Variants in IQUB observed in about 807,000 individuals in gnomAD.
IQUB encodes the protein IQ motif and ubiquitin domain containing.
A neutral mutation model predicts 86.4 loss-of-function variants in IQUB; 86 were observed. That is an observed-to-expected ratio of 1.00 (90% confidence interval 0.84 to 1.19). IQUB has a LOEUF of 1.19. Ranked by LOEUF, IQUB falls within the 50% of genes most tolerant of loss-of-function variation. The probability of loss-of-function intolerance (pLI) is 0.00; values close to 1 mark genes in which losing one functional copy is unlikely to be tolerated. For missense variants in IQUB, 946 were observed against 916.9 expected (o/e 1.03, Z -0.41); for synonymous variants, 289 against 304.5 (o/e 0.95, Z 0.53).
intron 8 of IQUB, among the ~76,000 whole-genome samples, chr7:123,476,287 G>C (rs1794740923): frequency 1.3e-5 from 2 of 152,174 alleles, no homozygotes; most frequent in African/African-American, 4.8e-5. Context: ...TTGCTTTCTG[G>C]AAGAAGAGGC....
chr7:123,533,498 AG>A (rs1488535277), intron 1 of IQUB, among the ~76,000 whole-genome samples: 56 of 152,294 alleles, frequency 3.7e-4, no homozygotes, highest in Non-Finnish European at 1.2e-4. Context: ...ACTATATAAA[AG>A]TTTTAGATTG....
In IQUB at chr7:123,510,005, T is replaced by A; in HGVS notation, c.428A>T (p.Glu143Val). ...VKVVLIPVGQ[E>V]IVIPFKVDTI... ...ATCAACCTTAAAAGGTATTACAATT[T>A]CCTGGCCCACTGGAATAAGTACAAC... is the stretch of plus-strand genomic sequence containing the variant. Residue 143 changes from glutamate to valine, a missense_variant, in exon 3 of 13, where the codon GAA (glutamate) becomes GTA (valine). By Grantham distance (121) the Glu-to-Val change is moderately radical. Transcript: ENST00000324698. The A allele has an allele frequency of 6.3e-7, 1 of 1,581,254 alleles. No homozygotes were observed. Among genetic ancestry groups the A allele is most frequent in the Non-Finnish European group, 8.6e-7 (1 of 1,157,910 alleles).
At chr7:123,530,307 G>T (rs1008737185) in intron 1 of IQUB, among the ~76,000 whole-genome samples, 28 of 151,248 alleles carry the variant, frequency 1.9e-4, no homozygotes, top group African/African-American at 6.8e-4. Flanking sequence ...ATGGTGGCAG[G>T]CACCTGTAGT....
chr7:123,457,316 G>A lies in IQUB; in HGVS notation c.2193+65C>T. 3 of 1,573,190 alleles carry A rather than the reference G, an allele frequency of 1.9e-6. No individual in the cohort carries two copies. The South Asian group carries it at 3.5e-5, about 19-fold the overall frequency. ...TAAGCATGGAATATATTAGAAGGCA[G>A]TCCAGTTATCGCTAATAATTCCAAT... On this transcript the variant is annotated intron_variant, in intron 12 of 12. Coordinates refer to ENST00000324698, the MANE Select transcript of IQUB (RefSeq NM_178827.5).
intron 6 of IQUB, among the ~76,000 whole-genome samples, chr7:123,497,767 T>C (rs566856591): frequency 6.7e-6 from 1 of 149,912 alleles, no homozygotes; most frequent in African/African-American, 2.5e-5. Flanking sequence ...TAGATCAAAC[T>C]GAAGGGGTCC....
chr7:123,530,386 A>G (rs1409267600), intron 1 of IQUB, among the ~76,000 whole-genome samples: 3 of 152,066 alleles, frequency 2.0e-5, no homozygotes, highest in African/African-American at 4.8e-5. Context: ...CAGTGAGCTG[A>G]GATAGCGCCA....
chr7:123,479,939 G>A lies in IQUB; in HGVS notation c.1266C>T (p.Asn422=). The part of the protein sequence containing the change: ...FWRQEELTRI[N]QSFTGAERKA... ...TCCTTTCAGCTCCAGTAAAAGATTG[G>A]TTAATACGTGTAAGTTCTTCTTGCC... is the stretch of plus-strand genomic sequence containing the variant. Residue 422 remains asparagine (N), a synonymous_variant, in exon 8 of 13, where the codon AAC becomes AAT. Coordinates refer to ENST00000324698, the MANE Select transcript of IQUB (RefSeq NM_178827.5). 1.9e-6 allele frequency: 3 copies of A among 1,611,506 alleles called. No individual in the cohort carries two copies. The highest frequency in any genetic ancestry group is 2.2e-5 in the East Asian group (1 of 44,820).
rs779870793 is a variant in IQUB, at chr7:123,452,237, G to A, written c.*506C>T. On this transcript the variant is annotated 3_prime_UTR_variant, in exon 13 of 13. Transcript: ENST00000324698. Reference sequence around the variant, plus strand: ...ATTGGGATTATGAGAAGGATGGAAGGTGAAAGCAGACGATAAACTGCAAAG... The same window carrying A: ...ATTGGGATTATGAGAAGGATGGAAGATGAAAGCAGACGATAAACTGCAAAG... Among the ~76,000 whole-genome samples the A allele has an allele frequency of 2.6e-5, 4 of 152,072 alleles. No individual in the cohort carries two copies. The highest frequency in any genetic ancestry group is 5.9e-5 in the Non-Finnish European group (4 of 68,016).
chr7:123,495,918 G>A (rs1315375343), intron 7 of IQUB, among the ~76,000 whole-genome samples: 1 of 152,054 alleles, frequency 6.6e-6, no homozygotes, highest in African/African-American at 2.4e-5. Context: ...TATTACTAAA[G>A]AAATAACTGA....
chr7:123,524,539 T>C (rs1318859719), intron 1 of IQUB, among the ~76,000 whole-genome samples: 1 of 147,602 alleles, frequency 6.8e-6, no homozygotes, highest in Admixed American at 6.8e-5. Context: ...GTGATTTTTG[T>C]ACATTGATTT....
At chr7:123,463,884 C>G (rs1794122212) in intron 10 of IQUB, among the ~76,000 whole-genome samples, 1 of 151,674 alleles carries the variant, frequency 6.6e-6, no homozygotes, top group Admixed American at 6.6e-5. Flanking sequence ...GAAGGTGGCT[C>G]AGACAAATGA....
At chr7:123,482,324 T>G (rs534201027) in intron 7 of IQUB, among the ~76,000 whole-genome samples, 1 of 152,140 alleles carries the variant, frequency 6.6e-6, no homozygotes, top group East Asian at 1.9e-4. Flanking sequence ...AATGATTTTT[T>G]AAAAATTAAA....
At chr7:123,458,199 T>C (rs988287585) in intron 11 of IQUB, 1 of 152,040 alleles carries the variant, frequency 6.6e-6, no homozygotes, top group African/African-American at 2.4e-5. Flanking sequence ...TTTAAAACTT[T>C]TTAAAAAACG....
At chr7:123,499,071 G>A (rs1039370290) in intron 6 of IQUB, among the ~76,000 whole-genome samples, 2 of 151,850 alleles carry the variant, frequency 1.3e-5, no homozygotes, top group Admixed American at 6.6e-5. Context: ...TGAAAAATAA[G>A]AGACACAAAA....
chr7:123,506,370 T>C (rs2117227155), intron 3 of IQUB, among the ~76,000 whole-genome samples: 1 of 152,324 alleles, frequency 6.6e-6, no homozygotes, highest in South Asian at 2.1e-4. Context: ...ACCAACTTTC[T>C]GTATTAGTCC....
chr7:123,462,699 T>A (rs537595124), intron 10 of IQUB: 1 of 312,388 alleles, frequency 3.2e-6, no homozygotes, highest in African/African-American at 3.0e-5. Flanking sequence ...TCTTGAATGA[T>A]TATTTTATCT....
At chr7:123,462,145 T>C (rs927684150) in intron 10 of IQUB, among the ~76,000 whole-genome samples, 2 of 151,966 alleles carry the variant, frequency 1.3e-5, no homozygotes, top group Admixed American at 6.6e-5. Context: ...AATTATTTAC[T>C]ATGGGCTAAA....
chr7:123,469,506 C>T (rs1006210409), intron 8 of IQUB, 122 bp from the exon 9 acceptor site: 1 of 476,488 alleles, frequency 2.1e-6, no homozygotes, highest in East Asian at 3.4e-5. Context: ...ATTGCTAAAG[C>T]TTATGAAAAT....
chr7:123,526,910 C>T (rs182051541), intron 1 of IQUB, among the ~76,000 whole-genome samples: 401 of 152,218 alleles, frequency 2.6e-3, no homozygotes, highest in African/African-American at 9.4e-3. Flanking sequence ...CAAAATCTCT[C>T]AGCATTTGCT....
Sources: gnomAD v4.1 joint callset for allele counts (sites outside exome capture counted in the v4.1 genomes callset) on GRCh38, gnomAD v4.1.1 for gene constraint, MANE v1.5 for transcripts, NCBI Gene and HGNC (gene_info 2026-07-23, HGNC 2026-07-21) for gene names.